The following RNF17 variants were observed in gnomAD, a reference collection of about 807,000 sequenced individuals.
RNF17 encodes spermatogenesis associated 23.
A neutral mutation model predicts 200.5 loss-of-function variants in RNF17; 31 were observed. That is an observed-to-expected ratio of 0.15 (90% confidence interval 0.12 to 0.21). RNF17 has a LOEUF of 0.21. Ranked by LOEUF, RNF17 falls within the 10% of genes least tolerant of loss-of-function variation. The pLI, the probability that RNF17 is intolerant of heterozygous loss-of-function variation, is 1.00. For synonymous variants in RNF17, 606 were observed against 637.8 expected, an observed-to-expected ratio of 0.95 and a Z score of 0.75; for missense variants, 1,628 against 1,905.1, an observed-to-expected ratio of 0.85 and a Z score of 2.71.
the RNF17 span, chr13:24,751,967 A>G: frequency 1.3e-5 from 2 of 152,222 alleles, no homozygotes; most frequent in African/African-American, 4.8e-5. Flanking sequence ...CTCTCAACCT[A>G]TCAACAGCAT....
chr13:24,850,334 G>T lies in RNF17; in HGVS notation c.3102-7G>T, dbSNP rs761217328. On this transcript the variant is annotated splice_region_variant and splice_polypyrimidine_tract_variant and intron_variant, in intron 22 of 35. Coordinates refer to ENST00000255324, the MANE Select transcript of RNF17 (RefSeq NM_031277.3). ...ATAAAACAAGTTGCCACTGTTTTCT[G>T]TTGTAGACCAGCTGGTGGGAGTGAC... is the stretch of plus-strand genomic sequence containing the variant. 4 of 1,602,768 alleles carry T rather than the reference G, an allele frequency of 2.5e-6. No homozygotes were observed. The South Asian group carries it at 4.4e-5, about 18-fold the overall frequency.
rs141942819 is a variant in RNF17 at position 24,790,544 on chromosome 13, C to A, written c.935+772C>A. Among the ~76,000 whole-genome samples, 10 of 152,272 alleles carry A rather than the reference C, an allele frequency of 6.6e-5. No individual in the cohort carries two copies. In the East Asian group the frequency reaches 1.5e-3, roughly 23 times the overall value. ...TTTCAAGTTCTCAGTAGCCACATGT[C>A]GTTAGTGACTACCTGTCTTATTCTA... On this transcript the variant is annotated intron_variant, in intron 9 of 35. Coordinates refer to ENST00000255324, the MANE Select transcript of RNF17 (RefSeq NM_031277.3).
chr13:24,753,639 A>C, the RNF17 span, among the ~76,000 whole-genome samples: 3 of 152,218 alleles, frequency 2.0e-5, no homozygotes, highest in Non-Finnish European at 4.4e-5. Context: ...CTAGAGTAGA[A>C]GGGTCATTTG....
chr13:24,770,158 CTA>C (rs1481792686), intron 2 of RNF17, among the ~76,000 whole-genome samples: 1 of 151,976 alleles, frequency 6.6e-6, no homozygotes, highest in African/African-American at 2.4e-5. Context: ...GAAATGTAAA[CTA>C]GACAGAAATA....
chr13:24,785,784 G>A (rs9507411), intron 6 of RNF17, among the ~76,000 whole-genome samples: 149,618 of 152,298 alleles, frequency 0.98, 73,530 homozygotes, highest in Middle Eastern at 1. Flanking sequence ...TAATATTGGT[G>A]CATATATGCT....
intron 25 of RNF17, 151 bp from the exon 26 acceptor site, chr13:24,858,850 A>G (rs1566236662): frequency 1.8e-6 from 1 of 560,978 alleles, no homozygotes; most frequent in Non-Finnish European, 3.2e-6. Flanking sequence ...ATATGCTATT[A>G]CTAGTATGTT....
In RNF17 at chr13:24,781,846, A is replaced by C; in HGVS notation, c.513A>C (p.Ala171=). ...TGTCTTGTTTTTTTTTTTTCCAGGC[A>C]CTTGAACACATGCAGAAGCAAACGA... ...SFEQLSIAGK[A]LEHMQKQTIE... is the part of the protein sequence containing the mutation. Residue 171 remains alanine, a splice_region_variant and synonymous_variant, in exon 6 of 36, where the codon GCA becomes GCC. Transcript: ENST00000255324. 1.3e-6 allele frequency: 2 copies of C among 1,590,686 alleles called. No homozygotes were observed. Among genetic ancestry groups the C allele is most frequent in the Non-Finnish European group, 1.7e-6 (2 of 1,171,212 alleles).
chr13:24,847,695 T>C (rs948492968), intron 22 of RNF17, among the ~76,000 whole-genome samples: 5 of 152,164 alleles, frequency 3.3e-5, no homozygotes, highest in African/African-American at 1.2e-4. Context: ...ATTTGTTTTA[T>C]TCCCTAAAGA....
the RNF17 span, among the ~76,000 whole-genome samples, chr13:24,754,178 TA>T: frequency 2.0e-5 from 3 of 148,094 alleles, no homozygotes; most frequent in Non-Finnish European, 3.0e-5. Context: ...AAAAAAAAAA[TA>T]AAATAAAATA....
rs192372418 is a variant in RNF17 at position 24,836,836 on chromosome 13, G to A, written c.2482+4858G>A. ...GCAAAAACAAAACCAAAGTGCACAGGCAACAAAGAGCACCATGAATGCAAT... is the reference window on the plus strand; with the variant it reads ...GCAAAAACAAAACCAAAGTGCACAGACAACAAAGAGCACCATGAATGCAAT... On this transcript the variant is annotated intron_variant, in intron 18 of 35. Coordinates refer to ENST00000255324, the MANE Select transcript of RNF17 (RefSeq NM_031277.3). Among the ~76,000 whole-genome samples the A allele has an allele frequency of 1.5e-3, 234 of 151,752 alleles. 3 individuals are homozygous for A. The highest frequency in any genetic ancestry group is 9.8e-3 in the South Asian group (47 of 4,806).
At position 24,795,390 on chromosome 13, in the gene RNF17, C is replaced by G. The variant is rs150519220; in HGVS notation, c.1241-747C>G. ...AATTATTTTTCCAAACTTCTCTCTCCCTCTCTCTCTCTATGTGTGTGTGGC... is the reference window on the plus strand; with the variant it reads ...AATTATTTTTCCAAACTTCTCTCTCGCTCTCTCTCTCTATGTGTGTGTGGC... On this transcript the variant is annotated intron_variant, in intron 10 of 35. Coordinates refer to ENST00000255324, the MANE Select transcript of RNF17 (RefSeq NM_031277.3). 1.0e-2 allele frequency among the ~76,000 whole-genome samples: 1,495 copies of G among 149,924 alleles called. 36 individuals are homozygous for G. The highest frequency in any genetic ancestry group is 0.034 in the African/African-American group (1,381 of 41,002).
chr13:24,772,230 A>C (rs1269565603), intron 2 of RNF17, among the ~76,000 whole-genome samples: 2 of 152,170 alleles, frequency 1.3e-5, no homozygotes. Flanking sequence ...GCTAGCACAT[A>C]GTGTTTTAAT....
At chr13:24,820,650 G>A (rs1181179888) in intron 15 of RNF17, among the ~76,000 whole-genome samples, 1 of 151,990 alleles carries the variant, frequency 6.6e-6, no homozygotes, top group Non-Finnish European at 1.5e-5. Context: ...TGGCCAGGCT[G>A]ATCTCAAGCT....
intron 6 of RNF17, 48 bp downstream of exon 6, chr13:24,781,992 C>A (rs556678352): frequency 2.6e-6 from 3 of 1,157,224 alleles, no homozygotes; most frequent in East Asian, 2.4e-5. Flanking sequence ...GTTTCTAACA[C>A]TAACTTGTCA....
chr13:24,884,386 C>T, downstream of RNF17: 3 of 1,614,074 alleles, frequency 1.9e-6, no homozygotes, highest in Non-Finnish European at 2.5e-6. Context: ...TGATGGTCTT[C>T]CCATCTGCAC....
Position 24,781,847 on chromosome 13 carries a change from C to G in RNF17, c.514C>G (p.Leu172Val). 1 of 1,591,334 alleles carries G rather than the reference C, an allele frequency of 6.3e-7. No homozygotes were observed. The highest frequency in any genetic ancestry group is 1.4e-5 in the African/African-American group (1 of 72,838). Residue 172 changes from leucine to valine, a missense_variant, in exon 6 of 36, where the codon CTT becomes GTT. By Grantham distance (32) the Leu-to-Val change is conservative. Around this residue, in one of 5 missense-constraint regions of RNF17, gnomAD observed 502 missense variants for 501.7 expected, o/e 1.00. Coordinates refer to ENST00000255324, the MANE Select transcript of RNF17 (RefSeq NM_031277.3). The stretch of plus-strand genomic sequence containing the variant: ...GTCTTGTTTTTTTTTTTTCCAGGCA[C>G]TTGAACACATGCAGAAGCAAACGAT... ...FEQLSIAGKA[L>V]EHMQKQTIEE... is the part of the protein sequence containing the mutation.
At chr13:24,787,119 A>C (rs1332196939) in intron 6 of RNF17, among the ~76,000 whole-genome samples, 2 of 151,970 alleles carry the variant, frequency 1.3e-5, no homozygotes, top group East Asian at 3.9e-4. Context: ...TGGATTTTTT[A>C]AAATTACAAT....
At chr13:24,883,927 C>T (rs553902900), downstream of RNF17, 119 of 1,613,738 alleles carry the variant, frequency 7.4e-5, 1 homozygote, top group East Asian at 1.9e-3. Flanking sequence ...AGGTGTCACA[C>T]TGAGTGGTTT....
chr13:24,847,422 C>A (rs771006930), intron 22 of RNF17, among the ~76,000 whole-genome samples: 8 of 151,256 alleles, frequency 5.3e-5, no homozygotes, highest in Non-Finnish European at 1.0e-4. Flanking sequence ...CTCAGCTCAC[C>A]GCAACCTTTG....
Sources: gnomAD v4.1 joint callset for allele counts (sites outside exome capture counted in the v4.1 genomes callset) on GRCh38, gnomAD v4.1.1 for gene constraint, gnomAD v4.1.1 regional missense constraint, MANE v1.5 for transcripts, NCBI Gene and HGNC (gene_info 2026-07-23, HGNC 2026-07-21) for gene names.